TOMM20: variants seen among roughly 807,000 people sequenced by gnomAD.
TOMM20 encodes the protein mitochondrial import receptor subunit TOM20 homolog.
TOMM20 carries 10 observed loss-of-function variants against 22.1 expected under a neutral mutation model. That is an observed-to-expected ratio of 0.45 (90% CI 0.28 to 0.77). The LOEUF (loss-of-function observed/expected upper bound fraction) is 0.77. Ranked by LOEUF, TOMM20 falls within the 30% of genes least tolerant of loss-of-function variation. TOMM20 has a pLI of 0.13. For missense variants in TOMM20, 121 were observed against 172.2 expected, an observed-to-expected ratio of 0.70 and a Z score of 1.66; for synonymous variants, 55 against 61.4, an observed-to-expected ratio of 0.90 and a Z score of 0.49.
chr1:235,112,609 C>T (rs1474283464), intron 4 of TOMM20, among the ~76,000 whole-genome samples: 1 of 152,118 alleles, frequency 6.6e-6, no homozygotes, highest in African/African-American at 2.4e-5. Context: ...GGGCATGAGA[C>T]ACTGTGTACA....
chr1:235,114,213 A>G (rs1660789010), intron 3 of TOMM20, among the ~76,000 whole-genome samples: 2 of 152,174 alleles, frequency 1.3e-5, no homozygotes, highest in South Asian at 4.1e-4. Flanking sequence ...GACAATTGCT[A>G]ACAATCGCAT....
chr1:235,120,439 ATTTT>A (rs1660911518), intron 2 of TOMM20, among the ~76,000 whole-genome samples: 1 of 151,554 alleles, frequency 6.6e-6, no homozygotes, highest in African/African-American at 2.4e-5. Context: ...TAATTTTTGT[ATTTT>A]TAGTAGAGAT....
At chr1:235,128,065 T>G in intron 1 of TOMM20, 1 of 341,012 alleles carries the variant, frequency 2.9e-6, no homozygotes, top group Middle Eastern at 1.1e-3. Context: ...TCCCAGCTAC[T>G]GGGGAGACTG....
intron 1 of TOMM20, 142 bp downstream of exon 1, chr1:235,128,453 C>T: frequency 7.5e-7 from 1 of 1,335,318 alleles, no homozygotes. Flanking sequence ...CGGAGCGGCG[C>T]AGCCAGCGCC....
chr1:235,116,971 T>TA (rs1216967362), intron 3 of TOMM20, among the ~76,000 whole-genome samples: 22 of 148,362 alleles, frequency 1.5e-4, no homozygotes, highest in African/African-American at 4.5e-4. Flanking sequence ...CCGTCTCTAC[T>TA]AAAAATACAA....
intron 3 of TOMM20, among the ~76,000 whole-genome samples, chr1:235,118,107 G>A (rs1051898715): frequency 6.7e-6 from 1 of 148,416 alleles, no homozygotes; most frequent in Non-Finnish European, 1.5e-5. Flanking sequence ...AACTAGCACT[G>A]TTGATTACTG....
Position 235,113,770 on chromosome 1 carries a change from G to C in TOMM20, c.391C>G (p.Gln131Glu). 6.2e-7 allele frequency: 1 copy of C among 1,608,218 alleles called. No homozygotes were observed. Among genetic ancestry groups the C allele is most frequent in the Non-Finnish European group, 8.5e-7 (1 of 1,178,384 alleles). The change falls in exon 4 of 5, where the codon CAG becomes GAG. Residue 131 changes from glutamine to glutamate, a missense_variant and splice_region_variant. Physicochemically the swap from Gln to Glu is conservative, Grantham distance 29. Transcript: ENST00000366607. Reference protein sequence around the residue: ...MLLTKLPTISQRIVSAQSLAE... With the variant: ...MLLTKLPTISERIVSAQSLAE... ...GTCATAACATTCCAATTCCTTACCT[G>C]ACTAATTGTTGGGAGCTTAGTCAGA...
intron 1 of TOMM20, among the ~76,000 whole-genome samples, 186 bp downstream of exon 1, chr1:235,128,409 C>T (rs1661070148): frequency 6.6e-6 from 1 of 152,236 alleles, no homozygotes; most frequent in Non-Finnish European, 1.5e-5. Context: ...AATCCTTCCT[C>T]CAAAATGGAA....
intron 1 of TOMM20, among the ~76,000 whole-genome samples, chr1:235,124,940 A>C (rs1235181250): frequency 6.6e-6 from 1 of 152,246 alleles, no homozygotes; most frequent in Admixed American, 6.5e-5. Context: ...GCCTTGACTC[A>C]ATGTTTCCAA....
chr1:235,111,333 G>C lies in TOMM20; in HGVS notation c.*731C>G, dbSNP rs1259570724. The C allele has an allele frequency of 6.6e-6, 1 of 152,244 alleles. No homozygotes were observed. 9.4% of individuals were successfully genotyped at this position (152,244 alleles called of 1,614,324 possible). ...GTGATCAGCAGACGCATTCTCTCACGTAACAAATGGAGGGAAAGTGAGCAC... is the reference window on the plus strand; with the variant it reads ...GTGATCAGCAGACGCATTCTCTCACCTAACAAATGGAGGGAAAGTGAGCAC... On this transcript the variant is annotated 3_prime_UTR_variant, in exon 5 of 5. Transcript: ENST00000366607.
intron 4 of TOMM20, among the ~76,000 whole-genome samples, chr1:235,112,635 T>C (rs988324364): frequency 1.3e-5 from 2 of 152,150 alleles, no homozygotes; most frequent in East Asian, 1.9e-4. Context: ...CATTACATAA[T>C]ATTACATCAG....
intron 3 of TOMM20, among the ~76,000 whole-genome samples, chr1:235,119,566 T>C (rs927087152): frequency 1.3e-5 from 2 of 152,170 alleles, no homozygotes; most frequent in African/African-American, 4.8e-5. Context: ...CTACATCATA[T>C]GATATAGCAA....
chr1:235,123,650 C>T (rs1033035801), intron 1 of TOMM20, among the ~76,000 whole-genome samples: 4 of 152,206 alleles, frequency 2.6e-5, no homozygotes, highest in Non-Finnish European at 5.9e-5. Flanking sequence ...CAATTCTAGC[C>T]ATTTCAACAG....
At chr1:235,116,159 C>A (rs1367957217) in intron 3 of TOMM20, among the ~76,000 whole-genome samples, 2 of 152,166 alleles carry the variant, frequency 1.3e-5, no homozygotes, top group African/African-American at 4.8e-5. Context: ...GTAATCCCAG[C>A]ACTTAGGGAG....
Position 235,111,026 on chromosome 1 carries a change from CA to C in TOMM20, c.*1037del, listed in dbSNP as rs1364569173. 1 of 152,208 alleles carries C rather than the reference CA, an allele frequency of 6.6e-6. No homozygotes were observed. The highest frequency in any genetic ancestry group is 1.9e-4 in the East Asian group (1 of 5,186). 9.4% of individuals were successfully genotyped at this position (152,208 alleles called of 1,614,324 possible). On this transcript the variant is annotated 3_prime_UTR_variant, in exon 5 of 5. Coordinates refer to ENST00000366607, the MANE Select transcript of TOMM20 (RefSeq NM_014765.3). ...TTAAGGAGGTACACTGAAGATAAAGCAAAAGGCAACAAGCATTTTTACAAGC... is the reference window on the plus strand; with the variant it reads ...TTAAGGAGGTACACTGAAGATAAAGCAAAGGCAACAAGCATTTTTACAAGC...
intron 2 of TOMM20, among the ~76,000 whole-genome samples, chr1:235,120,270 G>T (rs1166811194): frequency 6.6e-6 from 1 of 151,992 alleles, no homozygotes; most frequent in Non-Finnish European, 1.5e-5. Flanking sequence ...AGATTTTGTT[G>T]TTTTTGTTTT....
chr1:235,119,698 T>G, intron 3 of TOMM20, 120 bp downstream of exon 3: 39 of 554,748 alleles, frequency 7.0e-5, no homozygotes, highest in East Asian at 8.8e-5. Context: ...AAACTTGTCT[T>G]GAGATACTTG....
At chr1:235,112,880 C>CTACAT (rs1238292413) in intron 4 of TOMM20, among the ~76,000 whole-genome samples, 1 of 152,216 alleles carries the variant, frequency 6.6e-6, no homozygotes, top group Non-Finnish European at 1.5e-5. Flanking sequence ...TCCTCTAGAA[C>CTACAT]TAGAACCACA....
chr1:235,118,583 G>A (rs536560747), intron 3 of TOMM20, among the ~76,000 whole-genome samples: 22 of 152,336 alleles, frequency 1.4e-4, no homozygotes, highest in African/African-American at 5.3e-4. Context: ...CTGAAATGCA[G>A]TGGCACCATC....
Sources: gnomAD v4.1 joint callset for allele counts (sites outside exome capture counted in the v4.1 genomes callset) on GRCh38, gnomAD v4.1.1 for gene constraint, MANE v1.5 for transcripts, NCBI Gene and HGNC (gene_info 2026-07-23, HGNC 2026-07-21) for gene names.